The following KBTBD7 variants were observed in gnomAD, a reference collection of about 807,000 sequenced individuals.
KBTBD7 encodes kelch repeat and BTB domain-containing protein 7.
KBTBD7 carries 25 observed loss-of-function variants against 50.3 expected under a neutral mutation model. The ratio of observed to expected loss-of-function variants is 0.50; its 90% CI spans 0.36 to 0.69. The LOEUF is 0.69. Among genes scored for constraint, KBTBD7 ranks in the 30% least tolerant of loss-of-function variants. The probability of loss-of-function intolerance (pLI) is 0.00; values close to 1 mark genes in which losing one functional copy is unlikely to be tolerated. For missense variants in KBTBD7, 653 were observed against 869.5 expected (o/e 0.75, Z 3.13); for synonymous variants, 305 against 325.3 (o/e 0.94, Z 0.67).
Position 41,192,259 on chromosome 13 carries a change from C to T in KBTBD7, c.1999G>A (p.Val667Ile). ...GSSSSFSDDE[V>I]WVQVAPQRNA... Reference sequence around the variant, plus strand: ...CGCTGAGGTGCTACTTGCACCCAGACTTCATCATCTGAAAAAGAACTTGAA... The same window carrying T: ...CGCTGAGGTGCTACTTGCACCCAGATTTCATCATCTGAAAAAGAACTTGAA... The change falls in exon 1 of 1, where the codon GTC (valine) becomes ATC (isoleucine). Residue 667 changes from valine to isoleucine, a missense_variant. Physicochemically the swap from Val to Ile is conservative, Grantham distance 29. Transcript: ENST00000379483. The T allele has an allele frequency of 6.2e-7, 1 of 1,614,172 alleles. No individual in the cohort carries two copies. The highest frequency in any genetic ancestry group is 8.5e-7 in the Non-Finnish European group (1 of 1,180,026).
chr13:41,193,543 C>A lies in KBTBD7; in HGVS notation c.715G>T (p.Val239Leu). 1 of 1,614,248 alleles carries A rather than the reference C, an allele frequency of 6.2e-7. No individual in the cohort carries two copies. The highest frequency in any genetic ancestry group is 8.5e-7 in the Non-Finnish European group (1 of 1,180,046). The change falls in exon 1 of 1, where the codon GTA (valine) becomes TTA (leucine). Residue 239 changes from valine to leucine, a missense_variant. By Grantham distance (32) the Val-to-Leu change is conservative. Around this residue, in one of 3 missense-constraint regions of KBTBD7, gnomAD observed 526 missense variants for 717.1 expected, o/e 0.73. Coordinates refer to ENST00000379483, the MANE Select transcript of KBTBD7 (RefSeq NM_032138.7). The surrounding 1 kb of genome is among the most constrained non-coding windows in gnomAD (Gnocchi z 5.7). ...AGCCACTGCACAGCTACATGGCATA[C>A]AGTCCGCTCACTCTCTATGTCCAGA... Reference protein sequence around the residue: ...DSLDIESERTVCHVAVQWLEA... With the variant: ...DSLDIESERTLCHVAVQWLEA...
chr13:41,194,301 A>T lies in KBTBD7; in HGVS notation c.-44T>A, dbSNP rs775740216. The stretch of plus-strand genomic sequence containing the variant: ...CGCTGACGGCGAGAAAGGCTGCAGG[A>T]CCAGGCTCTGGCTCCTCCTCAACCT... On this transcript the variant is annotated 5_prime_UTR_variant, in exon 1 of 1. Transcript: ENST00000379483. 6.3e-7 allele frequency: 1 copy of T among 1,594,860 alleles called. No individual in the cohort carries two copies. Among genetic ancestry groups the T allele is most frequent in the Admixed American group, 1.7e-5 (1 of 58,230 alleles).
rs2031405285 is a variant in KBTBD7, at chr13:41,192,174, A to G, written c.*29T>C. On this transcript the variant is annotated 3_prime_UTR_variant, in exon 1 of 1. Transcript: ENST00000379483. ...TGTTTAAAATACATTCCGTAGCAGT[A>G]GAAACATCTTAGTGTCTCAAAATAC... 6.4e-7 allele frequency: 1 copy of G among 1,566,960 alleles called. No individual in the cohort carries two copies. Among genetic ancestry groups the G allele is most frequent in the Non-Finnish European group, 8.6e-7 (1 of 1,157,378 alleles).
Position 41,193,549 on chromosome 13 carries a change from G to A in KBTBD7, c.709C>T (p.Arg237Trp). Residue 237 changes from arginine to tryptophan, a missense_variant, in exon 1 of 1, where the codon CGG becomes TGG. This residue lies in a region of KBTBD7 where 526 missense variants were observed against 717.1 expected (regional missense o/e 0.73). Coordinates refer to ENST00000379483, the MANE Select transcript of KBTBD7 (RefSeq NM_032138.7). The surrounding 1 kb of genome is among the most constrained non-coding windows in gnomAD (Gnocchi z 5.7). ...TGCACAGCTACATGGCATACAGTCC[G>A]CTCACTCTCTATGTCCAGACTATCC... ...RLDSLDIESE[R>W]TVCHVAVQWL... 2 of 1,614,200 alleles carry A rather than the reference G, an allele frequency of 1.2e-6. No individual in the cohort carries two copies. Among genetic ancestry groups the A allele is most frequent in the Non-Finnish European group, 1.7e-6 (2 of 1,180,042 alleles).
chr13:41,191,773 A>C lies in KBTBD7; in HGVS notation c.*430T>G, dbSNP rs1257055304. On this transcript the variant is annotated 3_prime_UTR_variant, in exon 1 of 1. Transcript: ENST00000379483. ...ACCACTTTATTTTGAAGGAAAGTAC[A>C]CATCCTTCAAAACCCCGCTAACAAT... 1 of 154,130 alleles carries C rather than the reference A, an allele frequency of 6.5e-6. No homozygotes were observed. The highest frequency in any genetic ancestry group is 1.9e-4 in the East Asian group (1 of 5,222). 9.5% of individuals were successfully genotyped at this position (154,130 alleles called of 1,614,324 possible).
rs548253405 is a variant in KBTBD7 at position 41,193,976 on chromosome 13, G to A, written c.282C>T (p.Pro94=). ...CACCTGTGAACATGCTCTTGAAGTA[G>A]GGACACGCAGCTGCTAGCACGTTGC... The part of the protein sequence containing the change: ...CNRNVLAAAC[P]YFKSMFTGGM... Residue 94 remains proline, a synonymous_variant, in exon 1 of 1, where the codon CCC becomes CCT. Transcript: ENST00000379483. The surrounding 1 kb of genome is among the most constrained non-coding windows in gnomAD (Gnocchi z 5.7). The A allele has an allele frequency of 9.3e-6, 15 of 1,614,002 alleles. No homozygotes were observed. The highest frequency in any genetic ancestry group is 1.3e-5 in the Non-Finnish European group (15 of 1,179,994).
At position 41,193,674 on chromosome 13, in the gene KBTBD7, T is replaced by G; in HGVS notation, c.584A>C (p.Tyr195Ser). The change falls in exon 1 of 1, where the codon TAC becomes TCC. Residue 195 changes from tyrosine to serine, a missense_variant. Tyr to Ser is a moderately radical substitution (Grantham distance 144). Coordinates refer to ENST00000379483, the MANE Select transcript of KBTBD7 (RefSeq NM_032138.7). The surrounding 1 kb of genome is among the most constrained non-coding windows in gnomAD (Gnocchi z 5.7). The part of the protein sequence containing the change: ...HHKLRSQAQS[Y>S]IAHNFKQLSR... The stretch of plus-strand genomic sequence containing the variant: ...GAGCTGCTTGAAGTTGTGAGCTATG[T>G]AGGACTGGGCCTGAGATCGAAGCTT... 6.2e-7 allele frequency: 1 copy of G among 1,614,110 alleles called. No homozygotes were observed. Among genetic ancestry groups the G allele is most frequent in the East Asian group, 2.2e-5 (1 of 44,894 alleles).
In KBTBD7 at chr13:41,192,836, G is replaced by C; in HGVS notation, c.1422C>G (p.Phe474Leu). The change falls in exon 1 of 1, where the codon TTC (phenylalanine) becomes TTG (leucine). Residue 474 changes from phenylalanine to leucine, a missense_variant. By Grantham distance (22) the Phe-to-Leu change is conservative (BLOSUM62 0). Around this residue, in one of 3 missense-constraint regions of KBTBD7, gnomAD observed 526 missense variants for 717.1 expected, o/e 0.73. Coordinates refer to ENST00000379483, the MANE Select transcript of KBTBD7 (RefSeq NM_032138.7). ...GAACCACTATGAGTTCAAAGGAATA[G>C]AAGGAATGAGGGACAGGAGCCACCA... ...WALVAPVPHS[F>L]YSFELIVVQN... 2 of 1,614,216 alleles carry C rather than the reference G, an allele frequency of 1.2e-6. No homozygotes were observed. Among genetic ancestry groups the C allele is most frequent in the Non-Finnish European group, 1.7e-6 (2 of 1,180,036 alleles).
Position 41,193,151 on chromosome 13 carries a change from C to T in KBTBD7, c.1107G>A (p.Met369Ile). 6.2e-7 allele frequency: 1 copy of T among 1,614,184 alleles called. No homozygotes were observed. Among genetic ancestry groups the T allele is most frequent in the Non-Finnish European group, 8.5e-7 (1 of 1,180,036 alleles). Residue 369 changes from methionine (M) to isoleucine (I), a missense_variant, in exon 1 of 1, where the codon ATG becomes ATA. Transcript: ENST00000379483. This position sits in a 1 kb window ranked among gnomAD's most constrained non-coding sequence, Gnocchi z 5.7. ...YDPYSGDIYT[M>I]PSPLTSFAHT... ...GAGCAAAGCTGGTCAAAGGGGATGG[C>T]ATTGTGTAAATGTCCCCCGAGTAAG...
Position 41,194,379 on chromosome 13 carries a change from C to A in KBTBD7, c.-122G>T. ...GTCCTGGAACAGACTGCGGCACGGG[C>A]CGCACTTCTGAATTCAGCCCTATCC... On this transcript the variant is annotated 5_prime_UTR_variant, in exon 1 of 1. Coordinates refer to ENST00000379483, the MANE Select transcript of KBTBD7 (RefSeq NM_032138.7). 1 of 1,338,668 alleles carries A rather than the reference C, an allele frequency of 7.5e-7. No individual in the cohort carries two copies. Among genetic ancestry groups the A allele is most frequent in the Non-Finnish European group, 1.0e-6 (1 of 987,630 alleles). The allele number at this position is 1,338,668 out of a possible 1,614,324, so 82.9% of individuals were successfully genotyped here.
rs1204993837 is a variant in KBTBD7 at position 41,193,040 on chromosome 13, C to T, written c.1218G>A (p.Trp406Ter). The T allele has an allele frequency of 1.2e-6, 2 of 1,614,134 alleles. No individual in the cohort carries two copies. Among genetic ancestry groups the T allele is most frequent in the Admixed American group, 1.7e-5 (1 of 60,016 alleles). ...YLAAQPRKDL[W>*]VYKPAQNSWQ... ...AACTATTCTGAGCTGGTTTATACACCCAGAGGTCTTTCCTGGGCTGAGCAG... is the reference window on the plus strand; with the variant it reads ...AACTATTCTGAGCTGGTTTATACACTCAGAGGTCTTTCCTGGGCTGAGCAG... Residue 406 changes from tryptophan (W) to a stop codon, truncating the protein, a stop_gained, in exon 1 of 1, where the codon TGG (tryptophan) becomes TGA (stop). Coordinates refer to ENST00000379483, the MANE Select transcript of KBTBD7 (RefSeq NM_032138.7). LOFTEE classifies it high-confidence loss of function. The surrounding 1 kb of genome is among the most constrained non-coding windows in gnomAD (Gnocchi z 5.7).
rs765271232 is a variant in KBTBD7 at position 41,192,142 on chromosome 13, C to T, written c.*61G>A. 4.8e-5 allele frequency: 71 copies of T among 1,492,926 alleles called. No individual in the cohort carries two copies. The highest frequency in any genetic ancestry group is 2.0e-4 in the Admixed American group (9 of 44,950). 92.5% of individuals were successfully genotyped at this position (1,492,926 alleles called of 1,614,324 possible). On this transcript the variant is annotated 3_prime_UTR_variant, in exon 1 of 1. Transcript: ENST00000379483. ...CAACTTTTTTTCCAAGAAAAAGAAACGATATGTGTTTAAAATACATTCCGT... is the reference window on the plus strand; with the variant it reads ...CAACTTTTTTTCCAAGAAAAAGAAATGATATGTGTTTAAAATACATTCCGT...
Position 41,193,796 on chromosome 13 carries a change from T to C in KBTBD7, c.462A>G (p.Glu154=). 2 of 1,614,208 alleles carry C rather than the reference T, an allele frequency of 1.2e-6. No individual in the cohort carries two copies. The highest frequency in any genetic ancestry group is 4.5e-5 in the East Asian group (2 of 44,886). ...LYAASDMLQL[E]YVREACASFL... ...AGGAGGCACAGGCTTCCCGCACATA[T>C]TCCAGCTGTAGCATGTCGGAGGCCG... The change falls in exon 1 of 1, where the codon GAA becomes GAG. Residue 154 remains glutamate (E), a synonymous_variant. Transcript: ENST00000379483. The surrounding 1 kb of genome is among the most constrained non-coding windows in gnomAD (Gnocchi z 5.7).
At position 41,191,497 on chromosome 13, in the gene KBTBD7, A is replaced by G. The variant is rs890987234; in HGVS notation, c.*706T>C. ...GTCACATATACCAAATACACATTTT[A>G]TATTCCAAAATAAAAACTGAGATTT... On this transcript the variant is annotated 3_prime_UTR_variant, in exon 1 of 1. Coordinates refer to ENST00000379483, the MANE Select transcript of KBTBD7 (RefSeq NM_032138.7). The G allele has an allele frequency of 1.5e-4, 21 of 140,324 alleles. No individual in the cohort carries two copies. Among genetic ancestry groups the G allele is most frequent in the Non-Finnish European group, 1.1e-4 (7 of 65,250 alleles). 8.7% of individuals were successfully genotyped at this position (140,324 alleles called of 1,614,324 possible).
Position 41,194,462 on chromosome 13 carries a change from C to G in KBTBD7, c.-205G>C, listed in dbSNP as rs1223143371. On this transcript the variant is annotated 5_prime_UTR_variant, in exon 1 of 1. Transcript: ENST00000379483. ...TGGCTGACTCACCCTCTCTCACTCC[C>G]GCGCCCTTTCTCCGCCTCCGCTCGC... 7.4e-6 allele frequency: 5 copies of G among 676,320 alleles called. No homozygotes were observed. Among genetic ancestry groups the G allele is most frequent in the Non-Finnish European group, 1.2e-5 (5 of 404,946 alleles). The allele number at this position is 676,320 out of a possible 1,614,324, so 41.9% of individuals were successfully genotyped here. A position where few individuals can be genotyped will look rare whatever the true frequency, so the allele number is the denominator to read the frequency against.
rs764002141 is a variant in KBTBD7, at chr13:41,193,586, A to G, written c.672T>C (p.Ala224=). 1.1e-5 allele frequency: 17 copies of G among 1,614,134 alleles called. No homozygotes were observed. The highest frequency in any genetic ancestry group is 1.7e-5 in the Admixed American group (1 of 60,008). Residue 224 remains alanine, a synonymous_variant, in exon 1 of 1, where the codon GCT becomes GCC. Transcript: ENST00000379483. This position sits in a 1 kb window ranked among gnomAD's most constrained non-coding sequence, Gnocchi z 5.7. ...TGTCCAGACTATCCAGGCGTAGGAC[A>G]GCCAGCAGCTGGGCCAGGGTTAGAT... The part of the protein sequence containing the change: ...LADLTLAQLL[A]VLRLDSLDIE...
In KBTBD7 at chr13:41,192,593, C is replaced by T; in HGVS notation, c.1665G>A (p.Glu555=). 1 of 1,614,122 alleles carries T rather than the reference C, an allele frequency of 6.2e-7. No individual in the cohort carries two copies. The highest frequency in any genetic ancestry group is 1.1e-5 in the South Asian group (1 of 91,080). The part of the protein sequence containing the change: ...RRISNIPLDS[E]THNYQIVNHD... ...GATTGACAATCTGGTAGTTGTGGGTCTCTGAATCCAAAGGAATATTACTAA... is the reference window on the plus strand; with the variant it reads ...GATTGACAATCTGGTAGTTGTGGGTTTCTGAATCCAAAGGAATATTACTAA... The change falls in exon 1 of 1, where the codon GAG becomes GAA. Residue 555 remains glutamate (E), a synonymous_variant. Coordinates refer to ENST00000379483, the MANE Select transcript of KBTBD7 (RefSeq NM_032138.7).
rs200085729 is a variant in KBTBD7, at chr13:41,192,880, G to T, written c.1378C>A (p.Gln460Lys). 6.2e-7 allele frequency: 1 copy of T among 1,614,212 alleles called. No individual in the cohort carries two copies. Among genetic ancestry groups the T allele is most frequent in the Non-Finnish European group, 8.5e-7 (1 of 1,180,038 alleles). ...KLKEVECYSVQRNQWALVAPV... is the reference protein window; with the variant it reads ...KLKEVECYSVKRNQWALVAPV... The stretch of plus-strand genomic sequence containing the variant: ...GCCACCAATGCCCACTGGTTTCTCT[G>T]AACACTGTAGCATTCCACTTCCTTC... Residue 460 changes from glutamine to lysine, a missense_variant, in exon 1 of 1, where the codon CAG becomes AAG. Gln to Lys is a moderately conservative substitution (Grantham distance 53). This residue lies in a region of KBTBD7 where 526 missense variants were observed against 717.1 expected (regional missense o/e 0.73). Transcript: ENST00000379483.
At position 41,193,034 on chromosome 13, in the gene KBTBD7, A is replaced by G; in HGVS notation, c.1224T>C (p.Tyr408=). Reference sequence around the variant, plus strand: ...GCTGCCAACTATTCTGAGCTGGTTTATACACCCAGAGGTCTTTCCTGGGCT... The same window carrying G: ...GCTGCCAACTATTCTGAGCTGGTTTGTACACCCAGAGGTCTTTCCTGGGCT... ...AAQPRKDLWV[Y]KPAQNSWQQL... The change falls in exon 1 of 1, where the codon TAT becomes TAC. Residue 408 remains tyrosine (Y), a synonymous_variant. Coordinates refer to ENST00000379483, the MANE Select transcript of KBTBD7 (RefSeq NM_032138.7). This position sits in a 1 kb window ranked among gnomAD's most constrained non-coding sequence, Gnocchi z 5.7. 1 of 1,614,206 alleles carries G rather than the reference A, an allele frequency of 6.2e-7. No individual in the cohort carries two copies. Among genetic ancestry groups the G allele is most frequent in the Non-Finnish European group, 8.5e-7 (1 of 1,180,046 alleles).
Sources: gnomAD v4.1 joint callset for allele counts on GRCh38, gnomAD v4.1.1 for gene constraint, gnomAD v4.1.1 regional missense constraint, Gnocchi (gnomAD v3.1) non-coding constraint, MANE v1.5 for transcripts, NCBI Gene and HGNC (gene_info 2026-07-23, HGNC 2026-07-21) for gene names.